LRRC7: variants seen among roughly 807,000 people sequenced by gnomAD.
LRRC7 encodes the protein leucine-rich repeat-containing protein 7.
Under a neutral mutation model 175.7 loss-of-function variants are expected in LRRC7, and 23 were observed. The observed-to-expected ratio is 0.13, with a 90% CI of 0.09 to 0.19. LRRC7 has a LOEUF of 0.19. Ranked by LOEUF, LRRC7 falls within the 10% of genes least tolerant of loss-of-function variation. The probability of loss-of-function intolerance (pLI) is 1.00; values close to 1 mark genes in which losing one functional copy is unlikely to be tolerated. For missense variants in LRRC7, 1,354 were observed against 1,904.7 expected (o/e 0.71, Z 5.38); for synonymous variants, 685 against 680.9 (o/e 1.01, Z -0.09).
At chr1:69,610,093 A>G (rs1648456979) in intron 1 of LRRC7, among the ~76,000 whole-genome samples, 1 of 152,078 alleles carries the variant, frequency 6.6e-6, no homozygotes, top group South Asian at 2.1e-4. Context: ...CAAGTGTTTC[A>G]GTGTATATCT....
intron 7 of LRRC7, among the ~76,000 whole-genome samples, chr1:69,907,631 A>C (rs1392379984): frequency 2.6e-5 from 4 of 152,182 alleles, no homozygotes; most frequent in African/African-American, 4.8e-5. Context: ...ATGATGGATA[A>C]GCTTTTTGAT....
At chr1:69,909,626 C>T (rs1254302774) in intron 7 of LRRC7, among the ~76,000 whole-genome samples, 1 of 152,168 alleles carries the variant, frequency 6.6e-6, no homozygotes, top group Admixed American at 6.5e-5. Flanking sequence ...TGTAGGGTTT[C>T]TGCTGAGAGA....
At chr1:70,119,548 A>G (rs894055406) in intron 26 of LRRC7, among the ~76,000 whole-genome samples, 2 of 152,052 alleles carry the variant, frequency 1.3e-5, no homozygotes, top group South Asian at 4.1e-4. Context: ...AAGTAATCAC[A>G]TTGAGAGCCG....
intron 23 of LRRC7, among the ~76,000 whole-genome samples, chr1:70,055,584 G>A (rs926987268): frequency 2.6e-5 from 4 of 152,186 alleles, no homozygotes; most frequent in Non-Finnish European, 5.9e-5. Context: ...TCCTCAGGCT[G>A]TATAGGAGGT....
chr1:69,568,847 G>T (rs1645611050), intron 1 of LRRC7, among the ~76,000 whole-genome samples: 1 of 152,190 alleles, frequency 6.6e-6, no homozygotes, highest in East Asian at 1.9e-4. Flanking sequence ...TTGGAAATGG[G>T]GTGCTAACTG....
At chr1:69,919,754 G>A in intron 7 of LRRC7, 1 of 980,666 alleles carries the variant, frequency 1.0e-6, no homozygotes, top group South Asian at 1.4e-5. Context: ...GCCATTTGAA[G>A]ACCCCTGGTT....
chr1:70,061,767 A>C (rs1661596406), intron 23 of LRRC7, among the ~76,000 whole-genome samples: 1 of 152,160 alleles, frequency 6.6e-6, no homozygotes, highest in Non-Finnish European at 1.5e-5. Flanking sequence ...TTTGAAAATT[A>C]CCTCTAGATC....
chr1:69,966,957 G>A (rs138373504), intron 8 of LRRC7, among the ~76,000 whole-genome samples: 233 of 152,322 alleles, frequency 1.5e-3, no homozygotes, highest in African/African-American at 5.3e-3. Context: ...CTCCTGGCCA[G>A]AACTCAGGGG....
intron 7 of LRRC7, among the ~76,000 whole-genome samples, chr1:69,909,491 G>A (rs112467890): frequency 6.6e-6 from 1 of 152,046 alleles, no homozygotes; most frequent in African/African-American, 2.4e-5. Flanking sequence ...GCCAGCATTT[G>A]CTTGTCTGTA....
chr1:69,878,592 T>C (rs1436302580), intron 7 of LRRC7, among the ~76,000 whole-genome samples: 3 of 152,070 alleles, frequency 2.0e-5, no homozygotes, highest in African/African-American at 7.2e-5. Context: ...TGAGTCTATA[T>C]TCAAGATCCA....
intron 5 of LRRC7, among the ~76,000 whole-genome samples, chr1:69,827,795 T>C (rs1248694701): frequency 2.0e-5 from 3 of 152,012 alleles, no homozygotes; most frequent in Non-Finnish European, 4.4e-5. Flanking sequence ...ACCATGATCA[T>C]GCCCCTGCAC....
chr1:69,870,662 T>G (rs558799492), intron 7 of LRRC7, among the ~76,000 whole-genome samples: 1 of 152,274 alleles, frequency 6.6e-6, no homozygotes, highest in East Asian at 1.9e-4. Flanking sequence ...TCTCTTTTTT[T>G]GTATAGTAAA....
At chr1:69,797,211 T>G (rs1290625452) in intron 4 of LRRC7, among the ~76,000 whole-genome samples, 1 of 152,156 alleles carries the variant, frequency 6.6e-6, no homozygotes, top group Non-Finnish European at 1.5e-5. Flanking sequence ...CTGGAAAAGA[T>G]AGAAATGACA....
intron 8 of LRRC7, among the ~76,000 whole-genome samples, chr1:69,941,732 A>C (rs1427955132): frequency 6.6e-6 from 1 of 152,106 alleles, no homozygotes; most frequent in Admixed American, 6.6e-5. Context: ...AAATGCCACA[A>C]ACATCATAAA....
At chr1:70,085,875 G>A (rs1250327735) in intron 24 of LRRC7, among the ~76,000 whole-genome samples, 1 of 152,016 alleles carries the variant, frequency 6.6e-6, no homozygotes, top group Admixed American at 6.6e-5. Context: ...TATCTGCCTG[G>A]TACTTAGTAG....
At chr1:69,918,801 A>G (rs187845529) in intron 7 of LRRC7, among the ~76,000 whole-genome samples, 97 of 152,326 alleles carry the variant, frequency 6.4e-4, no homozygotes, top group Non-Finnish European at 1.0e-3. Flanking sequence ...AAAATGAGAT[A>G]AAATTAAAAT....
intron 24 of LRRC7, among the ~76,000 whole-genome samples, chr1:70,088,478 C>T (rs1663776831): frequency 1.3e-5 from 2 of 152,120 alleles, no homozygotes; most frequent in Non-Finnish European, 2.9e-5. Context: ...CAGGAGGATA[C>T]TTTGAGCCCA....
chr1:69,724,889 G>C (rs923152099), intron 2 of LRRC7, among the ~76,000 whole-genome samples: 1 of 151,828 alleles, frequency 6.6e-6, no homozygotes, highest in Admixed American at 6.6e-5. Flanking sequence ...ACATTTATTT[G>C]GTTCATATAT....
At chr1:69,710,440 T>A (rs12729015) in intron 2 of LRRC7, among the ~76,000 whole-genome samples, 2,503 of 152,240 alleles carry the variant, frequency 0.016, 30 homozygotes, top group Non-Finnish European at 0.027. Flanking sequence ...TTTTGTACTG[T>A]CTATTCCTCC....
Sources: gnomAD v4.1 joint callset for allele counts (sites outside exome capture counted in the v4.1 genomes callset) on GRCh38, gnomAD v4.1.1 for gene constraint, MANE v1.5 for transcripts, NCBI Gene and HGNC (gene_info 2026-07-23, HGNC 2026-07-21) for gene names.